Variants in MSANTD1 observed in about 807,000 individuals in gnomAD.
MSANTD1 encodes myb/SANT-like DNA-binding domain-containing protein 1.
In MSANTD1, 7 loss-of-function variants were observed where a neutral mutation model predicts 24.2. That is an observed-to-expected ratio of 0.29 (90% CI 0.16 to 0.54). The LOEUF (loss-of-function observed/expected upper bound fraction) is 0.54, where lower values mean the gene tolerates loss of function less well. MSANTD1 is among the 20% of genes least tolerant of loss of function. The pLI is 0.94. For synonymous variants in MSANTD1, 177 were observed against 181.1 expected, an observed-to-expected ratio of 0.98 and a Z score of 0.18; for missense variants, 384 against 408.2, an observed-to-expected ratio of 0.94 and a Z score of 0.51.
At chr4:3,246,444 T>G, upstream of MSANTD1, 1 of 425,298 alleles carries the variant, frequency 2.4e-6, no homozygotes. Flanking sequence ...AGGATGAGAG[T>G]CTAGTTGGGC....
In MSANTD1 at chr4:3,249,308, C is replaced by G. The variant is rs1300540053; in HGVS notation, c.86C>G (p.Pro29Arg). Residue 29 changes from proline to arginine, a missense_variant, in exon 1 of 3, where the codon CCC becomes CGC. Transcript: ENST00000438480. ...GASGMAAAEG[P>R]GYLVSPQAEK... Reference sequence around the variant, plus strand: ...TCCGGCATGGCGGCGGCCGAGGGGCCCGGCTACCTCGTGTCTCCCCAGGCG... The same window carrying G: ...TCCGGCATGGCGGCGGCCGAGGGGCGCGGCTACCTCGTGTCTCCCCAGGCG... 1.3e-6 allele frequency: 2 copies of G among 1,539,122 alleles called. No individual in the cohort carries two copies. Among genetic ancestry groups the G allele is most frequent in the Admixed American group, 2.0e-5 (1 of 50,722 alleles).
intron 2 of MSANTD1, among the ~76,000 whole-genome samples, chr4:3,255,229 TTTTC>T (rs1415745881): frequency 6.6e-6 from 1 of 150,704 alleles, no homozygotes; most frequent in African/African-American, 2.5e-5. Context: ...CTTTCTTTCT[TTTTC>T]TTTTTTTTTT....
At chr4:3,244,418 T>G (rs1253292598), upstream of MSANTD1, 1 of 152,350 alleles carries the variant, frequency 6.6e-6, no homozygotes, top group Non-Finnish European at 1.5e-5. Flanking sequence ...TCCACCTCCT[T>G]GGCCATTGAC....
chr4:3,253,115 C>G (rs1722278246), intron 1 of MSANTD1, 92 bp from the exon 2 acceptor site: 1 of 1,331,856 alleles, frequency 7.5e-7, no homozygotes, highest in Admixed American at 2.9e-5. Flanking sequence ...CCTGCCTGTG[C>G]CGGCGTGGCG....
chr4:3,249,059 T>G, upstream of MSANTD1: 1 of 549,494 alleles, frequency 1.8e-6, no homozygotes, highest in Non-Finnish European at 2.9e-6. Context: ...GTTAAAAGGT[T>G]TCTGTTGTTG....
intron 1 of MSANTD1, among the ~76,000 whole-genome samples, chr4:3,251,083 GC>G (rs751206025): frequency 2.0e-5 from 3 of 152,236 alleles, no homozygotes; most frequent in Non-Finnish European, 4.4e-5. Flanking sequence ...CGGCTGGCTT[GC>G]GACGTGAGGG....
In MSANTD1 at chr4:3,255,861, C is replaced by T. The variant is rs1474075287; in HGVS notation, c.733C>T (p.Arg245Cys). Residue 245 changes from arginine (R) to cysteine (C), a missense_variant, in exon 3 of 3, where the codon CGC becomes TGC. Transcript: ENST00000438480. ...RAVEETCREV[R>C]RVLDQQHILQ... is the part of the protein sequence containing the mutation. ...CGTGGAGGAGACCTGCCGCGAGGTG[C>T]GCCGCGTGCTGGACCAGCAGCACAT... The T allele has an allele frequency of 1.0e-5, 16 of 1,545,174 alleles. No homozygotes were observed. The South Asian group carries it at 1.4e-4, about 14-fold the overall frequency.
intron 2 of MSANTD1, among the ~76,000 whole-genome samples, chr4:3,253,801 G>A (rs753868405): frequency 5.9e-5 from 9 of 152,352 alleles, no homozygotes; most frequent in East Asian, 3.9e-4. Flanking sequence ...CATCACAGGA[G>A]AGAAGACGCA....
chr4:3,253,124 C>T (rs886259224), intron 1 of MSANTD1, 83 bp from the exon 2 acceptor site: 94 of 1,373,132 alleles, frequency 6.8e-5, no homozygotes, highest in Non-Finnish European at 7.6e-5. Context: ...GCCGGCGTGG[C>T]GCGCCCCTCT....
chr4:3,246,794 G>A (rs1405950083), upstream of MSANTD1: 2 of 585,118 alleles, frequency 3.4e-6, no homozygotes, highest in Non-Finnish European at 6.1e-6. Flanking sequence ...TCAGTGTGAG[G>A]GCTCTGCCTC....
upstream of MSANTD1, among the ~76,000 whole-genome samples, chr4:3,245,666 A>T (rs1047952356): frequency 1.3e-5 from 2 of 152,060 alleles, no homozygotes; most frequent in Non-Finnish European, 2.9e-5. Context: ...CATCACCAGG[A>T]CCTCTTTTGG....
chr4:3,253,525 G>GC (rs1722296308), intron 2 of MSANTD1, 43 bp downstream of exon 2: 1 of 1,448,080 alleles, frequency 6.9e-7, no homozygotes, highest in Admixed American at 2.7e-5. Flanking sequence ...GGGTATCTCA[G>GC]CCCCCACCAT....
At chr4:3,247,229 C>G (rs1485626247), upstream of MSANTD1, among the ~76,000 whole-genome samples, 1 of 152,128 alleles carries the variant, frequency 6.6e-6, no homozygotes, top group African/African-American at 2.4e-5. Flanking sequence ...TCCTGTTACC[C>G]CTGTTGTGGA....
Position 3,255,786 on chromosome 4 carries a change from C to A in MSANTD1, c.658C>A (p.Leu220Met). ...VQSCHLQKKQ[L>M]RLLEAMVEEQ... Reference sequence around the variant, plus strand: ...GAGCTGCCACCTGCAGAAGAAGCAGCTGCGGCTGCTGGAGGCCATGGTGGA... The same window carrying A: ...GAGCTGCCACCTGCAGAAGAAGCAGATGCGGCTGCTGGAGGCCATGGTGGA... The change falls in exon 3 of 3, where the codon CTG (leucine) becomes ATG (methionine). Residue 220 changes from leucine (L) to methionine (M), a missense_variant. Physicochemically the swap from Leu to Met is conservative, Grantham distance 15. Coordinates refer to ENST00000438480, the MANE Select transcript of MSANTD1 (RefSeq NM_001042690.2). 1 of 1,546,924 alleles carries A rather than the reference C, an allele frequency of 6.5e-7. No individual in the cohort carries two copies. Among genetic ancestry groups the A allele is most frequent in the Non-Finnish European group, 8.7e-7 (1 of 1,146,660 alleles).
At chr4:3,249,632 A>G in intron 1 of MSANTD1, 90 bp downstream of exon 1, 1 of 1,308,488 alleles carries the variant, frequency 7.6e-7, no homozygotes, top group Non-Finnish European at 1.1e-6. Flanking sequence ...CTGAGTCGGG[A>G]CGATGTGTGG....
chr4:3,254,337 G>T lies in MSANTD1; in HGVS notation c.596+855G>T, dbSNP rs185160564. On this transcript the variant is annotated intron_variant, in intron 2 of 2. Coordinates refer to ENST00000438480, the MANE Select transcript of MSANTD1 (RefSeq NM_001042690.2). ...ATGCCGGGGGCCGCTGCTTGACTCA[G>T]GATTTCTCATTGAAGACCTGAGACA... Among the ~76,000 whole-genome samples the T allele has an allele frequency of 1.4e-3, 216 of 152,316 alleles. 3 individuals are homozygous for T. The highest frequency in any genetic ancestry group is 3.7e-3 in the Admixed American group (56 of 15,298).
Position 3,249,552 on chromosome 4 carries a change from C to T in MSANTD1, c.320+10C>T, listed in dbSNP as rs376914482. On this transcript the variant is annotated intron_variant, in intron 1 of 2. Transcript: ENST00000438480. The stretch of plus-strand genomic sequence containing the variant: ...TGACCTTCCAGTACAGGTGGGCGAG[C>T]GGGCAGTGTGGGCCCCACCAGGACG... 84 of 1,601,820 alleles carry T rather than the reference C, an allele frequency of 5.2e-5. No individual in the cohort carries two copies. Among genetic ancestry groups the T allele is most frequent in the Admixed American group, 6.7e-5 (4 of 59,426 alleles).
At chr4:3,251,690 T>C (rs912570049) in intron 1 of MSANTD1, among the ~76,000 whole-genome samples, 1 of 149,092 alleles carries the variant, frequency 6.7e-6, no homozygotes, top group Non-Finnish European at 1.5e-5. Flanking sequence ...TTTTTTTCTT[T>C]TTCTTTTTTT....
At chr4:3,252,433 G>A (rs757781572) in intron 1 of MSANTD1, among the ~76,000 whole-genome samples, 9 of 152,228 alleles carry the variant, frequency 5.9e-5, no homozygotes, top group East Asian at 1.9e-4. Flanking sequence ...GGGCCCATCC[G>A]GCCCACCCCA....
Sources: gnomAD v4.1 joint callset for allele counts (sites outside exome capture counted in the v4.1 genomes callset) on GRCh38, gnomAD v4.1.1 for gene constraint, MANE v1.5 for transcripts, NCBI Gene and HGNC (gene_info 2026-07-23, HGNC 2026-07-21) for gene names.